Variants in FRMD4A observed in about 807,000 individuals in gnomAD.
FRMD4A encodes FERM domain containing 4A, also known as FERM domain-containing protein 4A.
FRMD4A carries 29 observed loss-of-function variants against 129.1 expected under a neutral mutation model. The ratio of observed to expected loss-of-function variants is 0.22; its 90% confidence interval spans 0.17 to 0.31. The LOEUF (loss-of-function observed/expected upper bound fraction) is 0.31, where lower values mean the gene tolerates loss of function less well. Among genes scored for constraint, FRMD4A ranks in the 10% least tolerant of loss-of-function variants. The pLI is 1.00. For missense variants in FRMD4A, 1,272 were observed against 1,375.8 expected (o/e 0.92, Z 1.19); for synonymous variants, 634 against 571.6 (o/e 1.11, Z -1.56).
chr10:13,882,458 C>T (rs1448403457), intron 2 of FRMD4A, among the ~76,000 whole-genome samples: 1 of 152,168 alleles, frequency 6.6e-6, no homozygotes, highest in Non-Finnish European at 1.5e-5. Flanking sequence ...AATGAGAAAA[C>T]CACAGGTGGG....
chr10:13,941,806 T>G (rs1418454512), intron 2 of FRMD4A, among the ~76,000 whole-genome samples: 1 of 152,186 alleles, frequency 6.6e-6, no homozygotes, highest in Non-Finnish European at 1.5e-5. Flanking sequence ...GATCTCTGAA[T>G]TTTGCACAAA....
At chr10:13,981,572 C>G (rs966774292) in intron 2 of FRMD4A, among the ~76,000 whole-genome samples, 2 of 151,840 alleles carry the variant, frequency 1.3e-5, no homozygotes, top group African/African-American at 2.4e-5. Context: ...AACCCCGCCT[C>G]TACTACAAAT....
At chr10:13,794,256 G>T (rs1047476950) in intron 5 of FRMD4A, among the ~76,000 whole-genome samples, 2 of 152,046 alleles carry the variant, frequency 1.3e-5, no homozygotes, top group Admixed American at 1.3e-4. Context: ...GCTGGGTATG[G>T]TGGTGGGTGC....
intron 6 of FRMD4A, among the ~76,000 whole-genome samples, chr10:13,782,124 G>T (rs2178287): frequency 0.37 from 56,539 of 151,920 alleles, 10,722 homozygotes; most frequent in Middle Eastern, 0.43. Context: ...GATAGTAAAT[G>T]TATGTGCATT....
chr10:14,194,300 G>T (rs529344460), intron 2 of FRMD4A, among the ~76,000 whole-genome samples: 4 of 152,080 alleles, frequency 2.6e-5, no homozygotes, highest in Admixed American at 6.5e-5. Flanking sequence ...CTGGCATTGT[G>T]GGGAAAGGGT....
chr10:14,221,989 T>C (rs1404290240), intron 2 of FRMD4A, among the ~76,000 whole-genome samples: 3 of 152,240 alleles, frequency 2.0e-5, no homozygotes, highest in Non-Finnish European at 4.4e-5. Flanking sequence ...AGGTAATTAC[T>C]TCTTGTAGGT....
intron 2 of FRMD4A, among the ~76,000 whole-genome samples, chr10:13,886,282 C>T (rs1564975590): frequency 1.3e-5 from 2 of 149,560 alleles, no homozygotes; most frequent in South Asian, 4.7e-4. Flanking sequence ...AGGCAAAAAC[C>T]CTGCAAAGAA....
At chr10:14,212,336 G>T (rs1842955117) in intron 2 of FRMD4A, among the ~76,000 whole-genome samples, 1 of 152,124 alleles carries the variant, frequency 6.6e-6, no homozygotes, top group Non-Finnish European at 1.5e-5. Flanking sequence ...AGGTGGAACA[G>T]CTCCCATTAT....
intron 24 of FRMD4A, chr10:13,648,525 G>C (rs889523853): frequency 1.3e-5 from 2 of 152,168 alleles, no homozygotes; most frequent in African/African-American, 2.4e-5. Flanking sequence ...CAACGGGGCC[G>C]GGCCAATGAG....
rs1223470118 is a variant in FRMD4A at position 14,041,014 on chromosome 10, T to A, written c.46-182102A>T. ...AGTGGAATAACTGCTCTACTTCCTC[T>A]TAATCAAAGGAATTATATAACTCCC... On this transcript the variant is annotated intron_variant, in intron 2 of 24. Coordinates refer to ENST00000357447, the MANE Select transcript of FRMD4A (RefSeq NM_018027.5). Among the ~76,000 whole-genome samples the A allele has an allele frequency of 2.0e-5, 3 of 152,230 alleles. No homozygotes were observed. In the South Asian group the frequency reaches 6.2e-4, roughly 32 times the overall value.
intron 2 of FRMD4A, among the ~76,000 whole-genome samples, chr10:14,048,857 GAATA>G (rs747968187): frequency 0.04 from 5,217 of 129,524 alleles, 154 homozygotes; most frequent in Non-Finnish European, 0.055. Context: ...GAATAGAATA[GAATA>G]GAATAGAATA....
intron 2 of FRMD4A, among the ~76,000 whole-genome samples, chr10:14,292,311 A>G (rs1206886435): frequency 6.6e-6 from 1 of 152,240 alleles, no homozygotes; most frequent in African/African-American, 2.4e-5. Flanking sequence ...AGCCAATGGA[A>G]TAGAACAGAA....
chr10:14,112,222 G>A (rs1458756372), intron 2 of FRMD4A, among the ~76,000 whole-genome samples: 1 of 152,140 alleles, frequency 6.6e-6, no homozygotes, highest in Admixed American at 6.5e-5. Flanking sequence ...GGAGGGCCCA[G>A]AGCAGTCAAG....
At chr10:14,080,576 G>A (rs1364941493) in intron 2 of FRMD4A, among the ~76,000 whole-genome samples, 2 of 152,086 alleles carry the variant, frequency 1.3e-5, no homozygotes, top group Admixed American at 6.5e-5. Context: ...GGGACTGTTT[G>A]CCAGTGGTTT....
chr10:13,898,557 ATTCTGTCTTCT>A (rs1345167917), intron 2 of FRMD4A, among the ~76,000 whole-genome samples: 1 of 152,200 alleles, frequency 6.6e-6, no homozygotes, highest in Non-Finnish European at 1.5e-5. Context: ...TGGAGCAAAA[ATTCTGTCTTCT>A]CCACTAATAA....
intron 2 of FRMD4A, among the ~76,000 whole-genome samples, chr10:14,033,782 A>AAG (rs111309037): frequency 0.65 from 94,033 of 145,208 alleles, 31,610 homozygotes; most frequent in East Asian, 0.9. Flanking sequence ...AAAACTCAGA[A>AAG]AGAGAGAGAG....
At chr10:13,890,433 G>C in intron 2 of FRMD4A, 6 of 711,324 alleles carry the variant, frequency 8.4e-6, no homozygotes, top group Non-Finnish European at 1.0e-5. Flanking sequence ...TCTCTGAGCG[G>C]TGCTTTCCCA....
At chr10:13,786,420 C>G (rs973276047) in intron 5 of FRMD4A, among the ~76,000 whole-genome samples, 1 of 152,178 alleles carries the variant, frequency 6.6e-6, no homozygotes, top group Non-Finnish European at 1.5e-5. Flanking sequence ...GCCTGGCCAA[C>G]ATGGTGAAAG....
At chr10:13,753,535 CT>C (rs2091725624) in intron 8 of FRMD4A, among the ~76,000 whole-genome samples, 1 of 139,444 alleles carries the variant, frequency 7.2e-6, no homozygotes, top group Admixed American at 7.6e-5. Flanking sequence ...AAATATGTAC[CT>C]TTCTATTTTT....
Sources: gnomAD v4.1 joint callset for allele counts (sites outside exome capture counted in the v4.1 genomes callset) on GRCh38, gnomAD v4.1.1 for gene constraint, MANE v1.5 for transcripts, NCBI Gene and HGNC (gene_info 2026-07-23, HGNC 2026-07-21) for gene names.